PGM5: variants seen among roughly 807,000 people sequenced by gnomAD.
The protein encoded by PGM5 is phosphoglucomutase 5.
Under a neutral mutation model 59.2 loss-of-function variants are expected in PGM5, and 23 were observed. The observed-to-expected ratio is 0.39, with a 90% CI of 0.28 to 0.55. The LOEUF is 0.55. Ranked by LOEUF, PGM5 falls within the 20% of genes least tolerant of loss-of-function variation. The probability of loss-of-function intolerance (pLI) is 0.66; values close to 1 mark genes in which losing one functional copy is unlikely to be tolerated. For synonymous variants in PGM5, 214 were observed against 286.0 expected (o/e 0.75, Z 2.54); for missense variants, 574 against 748.3 (o/e 0.77, Z 2.72).
chr9:68,408,047 T>C (rs752601149), intron 6 of PGM5, among the ~76,000 whole-genome samples: 11 of 152,344 alleles, frequency 7.2e-5, no homozygotes, highest in Non-Finnish European at 1.5e-4. Context: ...GCAAAGCCAT[T>C]AGTCAATTTC....
At chr9:68,430,678 C>T (rs1309225359) in intron 6 of PGM5, among the ~76,000 whole-genome samples, 3 of 152,194 alleles carry the variant, frequency 2.0e-5, no homozygotes, top group Non-Finnish European at 1.5e-5. Flanking sequence ...ATAAAAATGG[C>T]TTCAACTTTC....
chr9:68,394,855 G>C (rs2987693), intron 6 of PGM5, among the ~76,000 whole-genome samples: 2 of 152,226 alleles, frequency 1.3e-5, no homozygotes, highest in East Asian at 1.9e-4. Flanking sequence ...TTCCTGGCCT[G>C]AAGTGATCCC....
intron 9 of PGM5, among the ~76,000 whole-genome samples, chr9:68,496,559 A>G (rs1265603558): frequency 1.3e-5 from 2 of 152,232 alleles, no homozygotes; most frequent in African/African-American, 4.8e-5. Context: ...GATGCATGCT[A>G]TTCACATCTT....
chr9:68,460,863 G>C (rs537164288), intron 6 of PGM5, among the ~76,000 whole-genome samples: 5 of 152,266 alleles, frequency 3.3e-5, no homozygotes, highest in African/African-American at 1.2e-4. Flanking sequence ...CACATTGGTG[G>C]TGGTGATAGT....
At chr9:68,416,802 C>T (rs914196826) in intron 6 of PGM5, among the ~76,000 whole-genome samples, 30 of 152,274 alleles carry the variant, frequency 2.0e-4, no homozygotes, top group Non-Finnish European at 2.2e-4. Context: ...AAGCAGGCAA[C>T]CTCAAAGAGG....
intron 9 of PGM5, among the ~76,000 whole-genome samples, chr9:68,493,630 A>G (rs1404543384): frequency 6.6e-6 from 1 of 152,210 alleles, no homozygotes; most frequent in African/African-American, 2.4e-5. Flanking sequence ...CAACAACCCA[A>G]TAAGCTAGGC....
At chr9:68,379,666 G>C (rs1486136449) in intron 2 of PGM5, among the ~76,000 whole-genome samples, 1 of 152,044 alleles carries the variant, frequency 6.6e-6, no homozygotes, top group Non-Finnish European at 1.5e-5. Context: ...TGGCTGAGTG[G>C]ATCAACAACA....
At chr9:68,468,903 T>G (rs545828409) in intron 7 of PGM5, among the ~76,000 whole-genome samples, 1 of 152,312 alleles carries the variant, frequency 6.6e-6, no homozygotes, top group Non-Finnish European at 1.5e-5. Context: ...AGTACACAAG[T>G]GGAACTCTAA....
chr9:68,504,719 ATTTAT>A (rs1824629063), intron 10 of PGM5, among the ~76,000 whole-genome samples: 1 of 151,926 alleles, frequency 6.6e-6, no homozygotes, highest in Non-Finnish European at 1.5e-5. Flanking sequence ...ATATATATAT[ATTTAT>A]TTTATTTTAT....
chr9:68,388,500 A>T (rs1325127527), intron 4 of PGM5, among the ~76,000 whole-genome samples: 1 of 151,818 alleles, frequency 6.6e-6, no homozygotes, highest in Non-Finnish European at 1.5e-5. Flanking sequence ...TTCTTTTTAC[A>T]CATCTCTTAT....
chr9:68,508,143 G>A (rs1171725436), intron 10 of PGM5, among the ~76,000 whole-genome samples: 2 of 152,130 alleles, frequency 1.3e-5, no homozygotes, highest in Non-Finnish European at 2.9e-5. Context: ...AACCACTCAT[G>A]TTAATCCCAC....
intron 6 of PGM5, chr9:68,397,690 C>G (rs1232169220): frequency 3.3e-5 from 5 of 152,180 alleles, no homozygotes; most frequent in Admixed American, 6.6e-5. Context: ...TACAGAAACA[C>G]AAATTGTAAC....
intron 10 of PGM5, among the ~76,000 whole-genome samples, chr9:68,515,073 G>A (rs1824805387): frequency 6.6e-6 from 1 of 152,206 alleles, no homozygotes; most frequent in South Asian, 2.1e-4. Flanking sequence ...AAGGCACAAA[G>A]CCTTGCTAAA....
At chr9:68,511,116 C>G (rs1318224147) in intron 10 of PGM5, among the ~76,000 whole-genome samples, 1 of 152,190 alleles carries the variant, frequency 6.6e-6, no homozygotes, top group Non-Finnish European at 1.5e-5. Flanking sequence ...GAAGGGGATT[C>G]TCTACAGAAG....
intron 9 of PGM5, among the ~76,000 whole-genome samples, chr9:68,491,213 C>T (rs1824383733): frequency 6.6e-6 from 1 of 152,204 alleles, no homozygotes; most frequent in African/African-American, 2.4e-5. Context: ...ACTTTAATTA[C>T]TGTAGAGTTT....
intron 6 of PGM5, among the ~76,000 whole-genome samples, chr9:68,426,686 C>T (rs1823245080): frequency 1.3e-5 from 2 of 151,856 alleles, no homozygotes; most frequent in Admixed American, 6.6e-5. Flanking sequence ...AGTGAATGAC[C>T]ATTTTTTTAA....
At chr9:68,485,751 G>C (rs968225400) in intron 9 of PGM5, among the ~76,000 whole-genome samples, 1 of 152,138 alleles carries the variant, frequency 6.6e-6, no homozygotes, top group Non-Finnish European at 1.5e-5. Flanking sequence ...GAATTTTTCT[G>C]GTAAAGAAAG....
chr9:68,502,157 C>G (rs1824584606), intron 10 of PGM5, among the ~76,000 whole-genome samples: 2 of 152,328 alleles, frequency 1.3e-5, no homozygotes, highest in South Asian at 4.1e-4. Flanking sequence ...GGTTCTTGCC[C>G]TGATCCCACT....
At chr9:68,451,842 T>C (rs1823702670) in intron 6 of PGM5, among the ~76,000 whole-genome samples, 1 of 152,214 alleles carries the variant, frequency 6.6e-6, no homozygotes, top group Non-Finnish European at 1.5e-5. Context: ...GGATGTGCAC[T>C]GTGTAAGGGC....
Sources: allele counts gnomAD v4.1 joint callset (sites outside exome capture counted in the v4.1 genomes callset), GRCh38; gene constraint gnomAD v4.1.1; transcripts MANE v1.5; gene names NCBI Gene and HGNC (gene_info 2026-07-23, HGNC 2026-07-21).